CDC42BPA: variants seen among roughly 807,000 people sequenced by gnomAD.
CDC42BPA encodes CDC42 binding protein kinase alpha, also known as serine/threonine-protein kinase MRCK alpha.
Under a neutral mutation model 223.5 loss-of-function variants are expected in CDC42BPA, and 80 were observed. That is an observed-to-expected ratio of 0.36 (90% CI 0.30 to 0.43). The LOEUF (loss-of-function observed/expected upper bound fraction) is 0.43, where lower values mean the gene tolerates loss of function less well. Among genes scored for constraint, CDC42BPA ranks in the 20% least tolerant of loss-of-function variants. CDC42BPA has a pLI of 1.00. For missense variants in CDC42BPA, 1,743 were observed against 2,099.9 expected (o/e 0.83, Z 3.32); for synonymous variants, 694 against 718.6 (o/e 0.97, Z 0.55).
intron 3 of CDC42BPA, among the ~76,000 whole-genome samples, chr1:227,211,096 T>G (rs1157320949): frequency 6.6e-6 from 1 of 152,154 alleles, no homozygotes; most frequent in Non-Finnish European, 1.5e-5. Context: ...AATCTCGGTA[T>G]TTACTCCTTG....
intron 10 of CDC42BPA, among the ~76,000 whole-genome samples, chr1:227,131,402 T>C: frequency 6.6e-6 from 1 of 152,164 alleles, no homozygotes; most frequent in East Asian, 1.9e-4. Flanking sequence ...AATGGTACCT[T>C]GAGAAGAAGT....
intron 6 of CDC42BPA, among the ~76,000 whole-genome samples, chr1:227,159,982 T>C (rs1247700327): frequency 5.3e-5 from 8 of 152,102 alleles, no homozygotes; most frequent in African/African-American, 1.4e-4. Flanking sequence ...TAGCTGGGAC[T>C]ACAGGCACGC....
intron 2 of CDC42BPA, chr1:227,235,226 A>T (rs1261423352): frequency 2.0e-5 from 3 of 152,214 alleles, no homozygotes; most frequent in African/African-American, 7.2e-5. Context: ...CTACTGGCTG[A>T]CTGTCAATTC....
chr1:227,283,784 T>C (rs1020944109), intron 1 of CDC42BPA, among the ~76,000 whole-genome samples: 2 of 152,200 alleles, frequency 1.3e-5, no homozygotes, highest in African/African-American at 4.8e-5. Flanking sequence ...GTTAATGCTT[T>C]ATTAGGCCAG....
intron 21 of CDC42BPA, among the ~76,000 whole-genome samples, chr1:227,060,911 G>A (rs1331730018): frequency 6.6e-6 from 1 of 151,652 alleles, no homozygotes; most frequent in African/African-American, 2.4e-5. Flanking sequence ...TAGTAGAGAT[G>A]GGGTTTCACC....
In CDC42BPA at chr1:227,168,497, G is replaced by GTTTTTTTTTTTTTTTTTTTTTTTT. The variant is rs1292387936; in HGVS notation, c.600-7862_600-7861insAAAAAAAAAAAAAAAAAAAAAAAA. ...CTTTTTCATATTTATCTTCCCTGGTGTTTTTTTTTTTTTTTTGAGGCAGAG... is the reference window on the plus strand; with the variant it reads ...CTTTTTCATATTTATCTTCCCTGGTGTTTTTTTTTTTTTTTTTTTTTTTTTTTTTTTTTTTTTTTTGAGGCAGAG... On this transcript the variant is annotated intron_variant, in intron 5 of 36. Transcript: ENST00000366766. Among the ~76,000 whole-genome samples, 105 of 80,202 alleles carry GTTTTTTTTTTTTTTTTTTTTTTTT rather than the reference G, an allele frequency of 1.3e-3. 18 individuals carry two copies. The highest frequency in any genetic ancestry group is 0.013 in the Middle Eastern group (1 of 78). The allele number at this position is 80,202 out of a possible 152,430, so 52.6% of individuals were successfully genotyped here. A position where few individuals can be genotyped will look rare whatever the true frequency, so the allele number is the denominator to read the frequency against.
rs116181303 is a variant in CDC42BPA, at chr1:227,242,287, T to C, written c.270+11777A>G. On this transcript the variant is annotated intron_variant, in intron 2 of 36. Transcript: ENST00000366766. The stretch of plus-strand genomic sequence containing the variant: ...AAAGAGTAATCATTTTTTTGAAAAG[T>C]AGTAGTAGCAAACTTCTTAATCATT... Among the ~76,000 whole-genome samples, 631 of 152,212 alleles carry C rather than the reference T, an allele frequency of 4.1e-3. 6 individuals carry two copies. The highest frequency in any genetic ancestry group is 0.015 in the African/African-American group (610 of 41,554).
chr1:227,236,568 C>A (rs1355093681), intron 2 of CDC42BPA, among the ~76,000 whole-genome samples: 1 of 151,946 alleles, frequency 6.6e-6, no homozygotes, highest in Non-Finnish European at 1.5e-5. Context: ...TTATCTTATA[C>A]CATTTATAAT....
intron 34 of CDC42BPA, among the ~76,000 whole-genome samples, chr1:227,010,247 C>T (rs560350113): frequency 5.1e-4 from 78 of 152,274 alleles, no homozygotes; most frequent in Non-Finnish European, 9.4e-4. Flanking sequence ...TTTAAATTTT[C>T]CTCTTTCTTT....
chr1:227,094,743 G>A (rs1427998852), intron 15 of CDC42BPA, among the ~76,000 whole-genome samples: 1 of 152,224 alleles, frequency 6.6e-6, no homozygotes, highest in Non-Finnish European at 1.5e-5. Context: ...ATATTCAGGT[G>A]TAGTTTTTCA....
intron 26 of CDC42BPA, among the ~76,000 whole-genome samples, chr1:227,033,817 C>G (rs1411096878): frequency 2.6e-5 from 4 of 152,144 alleles, no homozygotes; most frequent in Non-Finnish European, 5.9e-5. Flanking sequence ...ATTTCCTCCA[C>G]AATAATTTCT....
At chr1:227,064,279 CAA>C (rs1308831220) in intron 21 of CDC42BPA, among the ~76,000 whole-genome samples, 3 of 152,088 alleles carry the variant, frequency 2.0e-5, no homozygotes, top group African/African-American at 7.2e-5. Context: ...ACTAAATGAA[CAA>C]AGTGTAGAAT....
rs16846966 is a variant in CDC42BPA, at chr1:227,073,816, T to A, written c.2735+48A>T. 6.5e-3 allele frequency: 9,027 copies of A among 1,395,486 alleles called. 307 individuals carry two copies. The East Asian group carries it at 0.066, about 10-fold the overall frequency. The allele number at this position is 1,395,486 out of a possible 1,614,324, so 86.4% of individuals were successfully genotyped here. A position where few individuals can be genotyped will look rare whatever the true frequency, so the allele number is the denominator to read the frequency against. On this transcript the variant is annotated intron_variant, in intron 19 of 36. Transcript: ENST00000366766. ...CATGTAACTTCTCTCCAAATAATTA[T>A]GACAAACTTAGAAATTATTCTAGTG...
chr1:227,315,955 C>CAAAAAAAAAAAAAAAAAAAA lies in CDC42BPA; in HGVS notation c.178+1049_178+1050insTTTTTTTTTTTTTTTTTTTT, dbSNP rs71180728. On this transcript the variant is annotated intron_variant, in intron 1 of 36. Coordinates refer to ENST00000366766, the MANE Select transcript of CDC42BPA (RefSeq NM_001394014.1). ...ACTAACTTTGAATAAATTTCAAATC[C>CAAAAAAAAAAAAAAAAAAAA]AAAAAAAAAAAAAAAAAAAGACACA... 1.8e-5 allele frequency among the ~76,000 whole-genome samples: 2 copies of CAAAAAAAAAAAAAAAAAAAA among 110,964 alleles called. 1 individual carries two copies. The highest frequency in any genetic ancestry group is 3.7e-5 in the Non-Finnish European group (2 of 54,054). The allele number at this position is 110,964 out of a possible 152,430, so 72.8% of individuals were successfully genotyped here.
intron 1 of CDC42BPA, among the ~76,000 whole-genome samples, chr1:227,279,687 A>G (rs957396692): frequency 1.4e-4 from 21 of 152,178 alleles, no homozygotes; most frequent in South Asian, 2.1e-4. Flanking sequence ...TTTGTCAGCA[A>G]TTTAAGCCTC....
At chr1:227,182,192 T>C (rs1668058586) in intron 5 of CDC42BPA, among the ~76,000 whole-genome samples, 1 of 152,210 alleles carries the variant, frequency 6.6e-6, no homozygotes, top group Non-Finnish European at 1.5e-5. Flanking sequence ...ACTCTCTTTA[T>C]TACCTACTCT....
intron 22 of CDC42BPA, among the ~76,000 whole-genome samples, chr1:227,048,551 G>T (rs1251583797): frequency 6.6e-6 from 1 of 151,592 alleles, no homozygotes. Flanking sequence ...TAATTTTATT[G>T]TAATTATTTA....
chr1:227,249,100 G>T (rs1405039234), intron 2 of CDC42BPA, among the ~76,000 whole-genome samples: 2 of 152,094 alleles, frequency 1.3e-5, no homozygotes, highest in Non-Finnish European at 2.9e-5. Flanking sequence ...ATAGATTAAT[G>T]AAACAGAATA....
At chr1:227,277,539 T>G (rs1469351810) in intron 1 of CDC42BPA, among the ~76,000 whole-genome samples, 3 of 152,216 alleles carry the variant, frequency 2.0e-5, no homozygotes, top group Non-Finnish European at 4.4e-5. Flanking sequence ...AAATACGTTA[T>G]CCATCACAAT....
Sources: allele counts gnomAD v4.1 joint callset (sites outside exome capture counted in the v4.1 genomes callset), GRCh38; gene constraint gnomAD v4.1.1; transcripts MANE v1.5; gene names NCBI Gene and HGNC (gene_info 2026-07-23, HGNC 2026-07-21).